Variants in DLX2 observed in about 807,000 individuals in gnomAD.
The protein encoded by DLX2 is distal-less homeobox 2.
Under a neutral mutation model 27.4 loss-of-function variants are expected in DLX2, and 8 were observed. The observed-to-expected ratio is 0.29, with a 90% confidence interval of 0.17 to 0.53. DLX2 has a LOEUF of 0.53. Ranked by LOEUF, DLX2 falls within the 20% of genes least tolerant of loss-of-function variation. The pLI is 0.96. For synonymous variants in DLX2, 210 were observed against 200.8 expected (o/e 1.05, Z -0.39); for missense variants, 421 against 450.9 (o/e 0.93, Z 0.60).
Position 172,102,159 on chromosome 2 carries a change from G to A in DLX2, c.380C>T (p.Ser127Phe). Residue 127 changes from serine to phenylalanine, a missense_variant, in exon 1 of 3, where the codon TCC becomes TTC. Ser to Phe is a radical substitution (Grantham distance 155, BLOSUM62 -2). This residue lies in a region of DLX2 where 141 missense variants were observed against 123.5 expected (regional missense o/e 1.14). Coordinates refer to ENST00000234198, the MANE Select transcript of DLX2 (RefSeq NM_004405.4). The stretch of plus-strand genomic sequence containing the variant: ...CATACCAGGCTCGTTGTTGGCTGGG[G>A]ACGAACTGGTTCCATAGGGAGCGTA... ...TSYAPYGTSS[S>F]PANNEPEKED... 1 of 1,613,872 alleles carries A rather than the reference G, an allele frequency of 6.2e-7. No homozygotes were observed. Among genetic ancestry groups the A allele is most frequent in the Non-Finnish European group, 8.5e-7 (1 of 1,179,854 alleles).
At position 172,101,533 on chromosome 2, in the gene DLX2, G is replaced by C; in HGVS notation, c.514C>G (p.Gln172Glu). The stretch of plus-strand genomic sequence containing the variant: ...GGCAAGGCCAAGTATTGAGTCTTTT[G>C]GAAACGCCGCTGAAGAGCCGCCAGC... ...FQLAALQRRF[Q>E]KTQYLALPER... is the part of the protein sequence containing the mutation. The change falls in exon 2 of 3, where the codon CAA becomes GAA. Residue 172 changes from glutamine to glutamate, a missense_variant. Physicochemically the swap from Gln to Glu is conservative, Grantham distance 29. Around this residue, in one of 5 missense-constraint regions of DLX2, gnomAD observed 36 missense variants for 73.6 expected, o/e 0.49. Transcript: ENST00000234198. The C allele has an allele frequency of 6.2e-7, 1 of 1,613,694 alleles. No individual in the cohort carries two copies. The highest frequency in any genetic ancestry group is 8.5e-7 in the Non-Finnish European group (1 of 1,179,606).
At chr2:172,101,791 A>C in intron 1 of DLX2, 145 bp from the exon 2 acceptor site, 1 of 983,522 alleles carries the variant, frequency 1.0e-6, no homozygotes, top group South Asian at 1.7e-5. Flanking sequence ...GCAACTTCGC[A>C]GCGTGCGATC....
intron 2 of DLX2, 92 bp from the exon 3 acceptor site, chr2:172,101,036 C>T: frequency 1.4e-6 from 2 of 1,418,024 alleles, no homozygotes; most frequent in Non-Finnish European, 1.9e-6. Context: ...AGAGAAAAAC[C>T]GCTGGCTAGC....
chr2:172,102,064 C>A, intron 1 of DLX2, 75 bp downstream of exon 1: 2 of 1,540,278 alleles, frequency 1.3e-6, no homozygotes, highest in South Asian at 1.3e-5. Flanking sequence ...GAAGGCCCCC[C>A]GCCCCAAACA....
intron 2 of DLX2, 57 bp from the exon 3 acceptor site, chr2:172,101,001 G>T: frequency 6.4e-7 from 1 of 1,550,966 alleles, no homozygotes. Context: ...GGCAGTAGGG[G>T]TTCGAAGAGG....
rs1252761189 is a variant in DLX2, at chr2:172,099,881, C to G, written c.*662G>C. 2.0e-5 allele frequency: 3 copies of G among 152,506 alleles called. No homozygotes were observed. The highest frequency in any genetic ancestry group is 2.0e-4 in the Admixed American group (3 of 15,284). 9.4% of individuals were successfully genotyped at this position (152,506 alleles called of 1,614,324 possible). A position where few individuals can be genotyped will look rare whatever the true frequency, so the allele number is the denominator to read the frequency against. On this transcript the variant is annotated 3_prime_UTR_variant, in exon 3 of 3. Coordinates refer to ENST00000234198, the MANE Select transcript of DLX2 (RefSeq NM_004405.4). Reference sequence around the variant, plus strand: ...TTCAACGTCAAAATGAGGTCATCCGCAAAGGCACCTAAACTTTTAAAAAAA... The same window carrying G: ...TTCAACGTCAAAATGAGGTCATCCGGAAAGGCACCTAAACTTTTAAAAAAA...
Position 172,100,869 on chromosome 2 carries a change from G to A in DLX2, c.661C>T (p.His221Tyr), listed in dbSNP as rs554400639. ...WKSGEIPSEQ[H>Y]PGASASPPCA... ...GGTGGAGAAGCGCTGGCCCCAGGGTGCTGCTCCGAGGGGATCTCACCACTT... is the reference window on the plus strand; with the variant it reads ...GGTGGAGAAGCGCTGGCCCCAGGGTACTGCTCCGAGGGGATCTCACCACTT... The change falls in exon 3 of 3, where the codon CAC (histidine) becomes TAC (tyrosine). Residue 221 changes from histidine to tyrosine, a missense_variant. By Grantham distance (83) the His-to-Tyr change is moderately conservative. Coordinates refer to ENST00000234198, the MANE Select transcript of DLX2 (RefSeq NM_004405.4). This position sits in a 1 kb window ranked among gnomAD's most constrained non-coding sequence, Gnocchi z 4.5. The A allele has an allele frequency of 6.2e-7, 1 of 1,613,026 alleles. No homozygotes were observed. The highest frequency in any genetic ancestry group is 1.1e-5 in the South Asian group (1 of 91,056).
At position 172,100,378 on chromosome 2, in the gene DLX2, T is replaced by G; in HGVS notation, c.*165A>C. ...CGGTTCCCCCGAGAGAGGGGCCCGT[T>G]TGGTGGCCCCGGGAGTGAGCAGGGC... On this transcript the variant is annotated 3_prime_UTR_variant, in exon 3 of 3. Coordinates refer to ENST00000234198, the MANE Select transcript of DLX2 (RefSeq NM_004405.4). The surrounding 1 kb of genome is among the most constrained non-coding windows in gnomAD (Gnocchi z 4.5). The G allele has an allele frequency of 9.3e-6, 6 of 644,670 alleles. No individual in the cohort carries two copies. Among genetic ancestry groups the G allele is most frequent in the Non-Finnish European group, 1.4e-5 (6 of 428,638 alleles). 39.9% of individuals were successfully genotyped at this position (644,670 alleles called of 1,614,324 possible).
rs1691118683 is a variant in DLX2 at position 172,099,796 on chromosome 2, GT to G, written c.*746del. 1 of 152,294 alleles carries G rather than the reference GT, an allele frequency of 6.6e-6. No individual in the cohort carries two copies. The highest frequency in any genetic ancestry group is 1.5e-5 in the Non-Finnish European group (1 of 67,994). The allele number at this position is 152,294 out of a possible 1,614,324, so 9.4% of individuals were successfully genotyped here. A position where few individuals can be genotyped will look rare whatever the true frequency, so the allele number is the denominator to read the frequency against. On this transcript the variant is annotated 3_prime_UTR_variant, in exon 3 of 3. Transcript: ENST00000234198. The stretch of plus-strand genomic sequence containing the variant: ...AGTCCAGGCTAATAATCCTGAATAG[GT>G]TTTAAAAAAGATAATTTAAACACAT...
At position 172,101,607 on chromosome 2, in the gene DLX2, C is replaced by G. The variant is rs1691158663; in HGVS notation, c.440G>C (p.Gly147Ala). The change falls in exon 2 of 3, where the codon GGG becomes GCG. Residue 147 changes from glycine (G) to alanine (A), a missense_variant. Physicochemically the swap from Gly to Ala is moderately conservative, Grantham distance 60. Coordinates refer to ENST00000234198, the MANE Select transcript of DLX2 (RefSeq NM_004405.4). ...GGGTTTCCGGACTTTCTTTGGCTTC[C>G]CGTTCACTATCCGAATTTCAGGCTC... ...DLEPEIRIVN[G>A]KPKKVRKPRT... The G allele has an allele frequency of 1.2e-6, 2 of 1,614,224 alleles. No homozygotes were observed. Among genetic ancestry groups the G allele is most frequent in the Non-Finnish European group, 1.7e-6 (2 of 1,180,036 alleles).
chr2:172,102,143 C>G lies in DLX2; in HGVS notation c.396G>C (p.Glu132Asp). 1.2e-6 allele frequency: 2 copies of G among 1,613,068 alleles called. No individual in the cohort carries two copies. Among genetic ancestry groups the G allele is most frequent in the Non-Finnish European group, 1.7e-6 (2 of 1,179,422 alleles). ...TGACTTCAGCGTTATGCATACCAGG[C>G]TCGTTGTTGGCTGGGGACGAACTGG... Reference protein sequence around the residue: ...YGTSSSPANNEPEKEDLEPEI... With the variant: ...YGTSSSPANNDPEKEDLEPEI... The change falls in exon 1 of 3, where the codon GAG becomes GAC. Residue 132 changes from glutamate to aspartate, a missense_variant. Glu to Asp is a conservative substitution (Grantham distance 45). This residue lies in a region of DLX2 where 141 missense variants were observed against 123.5 expected (regional missense o/e 1.14). Transcript: ENST00000234198.
At chr2:172,101,201 G>A (rs1691150876) in intron 2 of DLX2, 3 of 612,672 alleles carry the variant, frequency 4.9e-6, no homozygotes, top group South Asian at 4.2e-5. Flanking sequence ...GGGTGAGGAG[G>A]GCCAGTTATT....
intron 1 of DLX2, 72 bp from the exon 2 acceptor site, chr2:172,101,718 G>T: frequency 6.7e-7 from 1 of 1,501,896 alleles, no homozygotes; most frequent in Non-Finnish European, 9.1e-7. Context: ...TAGAGGGCCC[G>T]GCGGGGGGGA....
chr2:172,102,359 G>T lies in DLX2; in HGVS notation c.180C>A (p.Thr60=), dbSNP rs943711501. 1.3e-6 allele frequency: 2 copies of T among 1,577,072 alleles called. No individual in the cohort carries two copies. The highest frequency in any genetic ancestry group is 8.6e-7 in the Non-Finnish European group (1 of 1,161,324). ...PQESPTLPVS[T]ATDSSYYTNQ... is the part of the protein sequence containing the mutation. ...TGGTGTAGTAGCTGCTGTCGGTGGCGGTGGACACCGGAAGGGTGGGCGACT... is the reference window on the plus strand; with the variant it reads ...TGGTGTAGTAGCTGCTGTCGGTGGCTGTGGACACCGGAAGGGTGGGCGACT... The change falls in exon 1 of 3, where the codon ACC becomes ACA. Residue 60 remains threonine (T), a synonymous_variant. Coordinates refer to ENST00000234198, the MANE Select transcript of DLX2 (RefSeq NM_004405.4).
In DLX2 at chr2:172,102,657, A is replaced by C. The variant is rs1691186981; in HGVS notation, c.-119T>G. Reference sequence around the variant, plus strand: ...TAATTACGGGGGTGGTGGTGGGGAAACAAGAAAGGAGGCAACCGTCTAGGC... The same window carrying C: ...TAATTACGGGGGTGGTGGTGGGGAACCAAGAAAGGAGGCAACCGTCTAGGC... On this transcript the variant is annotated 5_prime_UTR_variant, in exon 1 of 3. Coordinates refer to ENST00000234198, the MANE Select transcript of DLX2 (RefSeq NM_004405.4). 1.8e-6 allele frequency: 2 copies of C among 1,083,072 alleles called. No homozygotes were observed. Among genetic ancestry groups the C allele is most frequent in the South Asian group, 1.7e-5 (1 of 59,022 alleles). The allele number at this position is 1,083,072 out of a possible 1,614,324, so 67.1% of individuals were successfully genotyped here.
At chr2:172,101,687 G>A (rs775952966) in intron 1 of DLX2, 41 bp from the exon 2 acceptor site, 1 of 1,596,864 alleles carries the variant, frequency 6.3e-7, no homozygotes, top group East Asian at 2.2e-5. Flanking sequence ...CAACCCAGGG[G>A]TCCTGGAGTT....
In DLX2 at chr2:172,100,542, G is replaced by T; in HGVS notation, c.*1C>A. The T allele has an allele frequency of 1.3e-6, 2 of 1,571,842 alleles. No homozygotes were observed. Among genetic ancestry groups the T allele is most frequent in the African/African-American group, 2.8e-5 (2 of 71,040 alleles). On this transcript the variant is annotated 3_prime_UTR_variant, in exon 3 of 3. Coordinates refer to ENST00000234198, the MANE Select transcript of DLX2 (RefSeq NM_004405.4). The surrounding 1 kb of genome is among the most constrained non-coding windows in gnomAD (Gnocchi z 4.5). ...CAGTCTCTGGCGAGTTCTCCCTGGG[G>T]TTAGAAAATCGTCCCCGCGCTCACC...
At position 172,102,132 on chromosome 2, in the gene DLX2, T is replaced by C; in HGVS notation, c.400+7A>G. The C allele has an allele frequency of 6.2e-7, 1 of 1,612,314 alleles. No homozygotes were observed. Among genetic ancestry groups the C allele is most frequent in the Non-Finnish European group, 8.5e-7 (1 of 1,179,002 alleles). ...CTCGGCACTCTTGACTTCAGCGTTA[T>C]GCATACCAGGCTCGTTGTTGGCTGG... On this transcript the variant is annotated splice_region_variant and intron_variant, in intron 1 of 2. Coordinates refer to ENST00000234198, the MANE Select transcript of DLX2 (RefSeq NM_004405.4).
At chr2:172,101,980 G>A (rs1298447731) in intron 1 of DLX2, among the ~76,000 whole-genome samples, 159 bp downstream of exon 1, 2 of 152,238 alleles carry the variant, frequency 1.3e-5, no homozygotes, top group African/African-American at 4.8e-5. Flanking sequence ...GGCGACCTGC[G>A]GCAGATTGGA....
Sources: allele counts gnomAD v4.1 joint callset (sites outside exome capture counted in the v4.1 genomes callset), GRCh38; gene constraint gnomAD v4.1.1; regional missense constraint gnomAD v4.1.1; non-coding constraint Gnocchi (gnomAD v3.1); transcripts MANE v1.5; gene names NCBI Gene and HGNC (gene_info 2026-07-23, HGNC 2026-07-21).